Variants in TBC1D12 observed in about 807,000 individuals in gnomAD.
The protein encoded by TBC1D12 is TBC1 domain family member 12, also known as TBC1 domain family, member 12.
A neutral mutation model predicts 86.7 loss-of-function variants in TBC1D12; 56 were observed. The observed-to-expected ratio is 0.65, with a 90% CI of 0.52 to 0.81. The LOEUF (loss-of-function observed/expected upper bound fraction) is 0.81, where lower values mean the gene tolerates loss of function less well. TBC1D12 is among the 30% of genes least tolerant of loss of function. The pLI is 0.00. For missense variants in TBC1D12, 1,023 were observed against 1,038.8 expected, an observed-to-expected ratio of 0.98 and a Z score of 0.21; for synonymous variants, 421 against 411.7, an observed-to-expected ratio of 1.02 and a Z score of -0.27.
At position 94,500,319 on chromosome 10, in the gene TBC1D12, T is replaced by C; in HGVS notation, c.1511T>C (p.Ile504Thr). The change falls in exon 6 of 13, where the codon ATC becomes ACC. Residue 504 changes from isoleucine (I) to threonine (T), a missense_variant. By Grantham distance (89) the Ile-to-Thr change is moderately conservative. This residue lies in a region of TBC1D12 where 395 missense variants were observed against 507.7 expected (regional missense o/e 0.78). Transcript: ENST00000225235. ...WSLAVGNELN[I>T]TPELYEIFLS... ...CTAGCTGTAGGAAATGAACTAAATA[T>C]CACTCCTGGTTTGTATTCTACGTTC... 1 of 1,613,412 alleles carries C rather than the reference T, an allele frequency of 6.2e-7. No individual in the cohort carries two copies. Among genetic ancestry groups the C allele is most frequent in the Non-Finnish European group, 8.5e-7 (1 of 1,179,656 alleles).
At chr10:94,472,519 T>C (rs2055924036) in intron 2 of TBC1D12, among the ~76,000 whole-genome samples, 1 of 152,218 alleles carries the variant, frequency 6.6e-6, no homozygotes, top group African/African-American at 2.4e-5. Context: ...ATGGAAAATG[T>C]TTTATTGGAT....
chr10:94,489,705 T>C (rs1372772117), intron 3 of TBC1D12, among the ~76,000 whole-genome samples: 1 of 152,172 alleles, frequency 6.6e-6, no homozygotes, highest in African/African-American at 2.4e-5. Flanking sequence ...TTAGATGTCA[T>C]TGTAGAGTTA....
rs2134037114 is a variant in TBC1D12, at chr10:94,402,915, C to T, written c.302C>T (p.Ser101Leu). The T allele has an allele frequency of 6.6e-7, 1 of 1,513,126 alleles. No homozygotes were observed. The highest frequency in any genetic ancestry group is 1.8e-4 in the Middle Eastern group (1 of 5,498). The allele number at this position is 1,513,126 out of a possible 1,614,324, so 93.7% of individuals were successfully genotyped here. A position where few individuals can be genotyped will look rare whatever the true frequency, so the allele number is the denominator to read the frequency against. ...PAGQAGAPPP[S>L]AAPRSDACLL... Reference sequence around the variant, plus strand: ...GGCCAGGCCGGCGCCCCGCCGCCCTCGGCAGCCCCACGATCGGACGCCTGC... The same window carrying T: ...GGCCAGGCCGGCGCCCCGCCGCCCTTGGCAGCCCCACGATCGGACGCCTGC... The change falls in exon 1 of 13, where the codon TCG becomes TTG. Residue 101 changes from serine (S) to leucine (L), a missense_variant. This residue lies in a region of TBC1D12 where 628 missense variants were observed against 531.1 expected (regional missense o/e 1.18). Transcript: ENST00000225235.
At chr10:94,459,480 C>T (rs746700353) in intron 2 of TBC1D12, among the ~76,000 whole-genome samples, 11 of 152,358 alleles carry the variant, frequency 7.2e-5, no homozygotes, top group Admixed American at 2.0e-4. Flanking sequence ...CCGCCAGTAC[C>T]GCGCTGTGCG....
chr10:94,433,574 G>A (rs1204535051), intron 1 of TBC1D12, among the ~76,000 whole-genome samples: 2 of 152,136 alleles, frequency 1.3e-5, no homozygotes, highest in African/African-American at 4.8e-5. Context: ...GTTTGGTAAG[G>A]ATTACAATAT....
At chr10:94,404,614 C>G (rs2054825391) in intron 1 of TBC1D12, among the ~76,000 whole-genome samples, 1 of 148,900 alleles carries the variant, frequency 6.7e-6, no homozygotes, top group Non-Finnish European at 1.5e-5. Flanking sequence ...CCATTGCACT[C>G]CAGCCTGGGG....
chr10:94,403,483 C>G lies in TBC1D12; in HGVS notation c.870C>G (p.Pro290=). The G allele has an allele frequency of 6.5e-7, 1 of 1,541,650 alleles. No homozygotes were observed. The highest frequency in any genetic ancestry group is 8.7e-7 in the Non-Finnish European group (1 of 1,144,758). Residue 290 remains proline (P), a synonymous_variant, in exon 1 of 13, where the codon CCC becomes CCG. Transcript: ENST00000225235. ...SRGQSARDHL[P]PAGPPVPLPA... is the part of the protein sequence containing the mutation. Reference sequence around the variant, plus strand: ...GTCAGAGCGCCCGCGATCACCTGCCCCCGGCGGGGCCGCCGGTGCCCTTGC... The same window carrying G: ...GTCAGAGCGCCCGCGATCACCTGCCGCCGGCGGGGCCGCCGGTGCCCTTGC...
At position 94,412,864 on chromosome 10, in the gene TBC1D12, A is replaced by G. The variant is rs556624654; in HGVS notation, c.971+9280A>G. 2.0e-5 allele frequency among the ~76,000 whole-genome samples: 3 copies of G among 152,288 alleles called. No homozygotes were observed. In the South Asian group the frequency reaches 6.2e-4, roughly 32 times the overall value. ...CTGATAGTTGCTTGGACCCTACTACAGTGATTCTTAAATTTAGTGTTTAAA... is the reference window on the plus strand; with the variant it reads ...CTGATAGTTGCTTGGACCCTACTACGGTGATTCTTAAATTTAGTGTTTAAA... On this transcript the variant is annotated intron_variant, in intron 1 of 12. Transcript: ENST00000225235.
intron 2 of TBC1D12, among the ~76,000 whole-genome samples, chr10:94,442,830 A>G (rs2055400898): frequency 6.6e-6 from 1 of 152,358 alleles, no homozygotes; most frequent in African/African-American, 2.4e-5. Flanking sequence ...ATTGGAAAAG[A>G]TATCTTCCTT....
chr10:94,512,027 T>C (rs1422218213), intron 9 of TBC1D12, among the ~76,000 whole-genome samples: 1 of 152,140 alleles, frequency 6.6e-6, no homozygotes, highest in Non-Finnish European at 1.5e-5. Flanking sequence ...CCCTAAAGGA[T>C]AGGGGAGGGG....
intron 12 of TBC1D12, among the ~76,000 whole-genome samples, chr10:94,531,737 A>T: frequency 7.1e-6 from 1 of 140,708 alleles, no homozygotes. Flanking sequence ...ATTTTATGTT[A>T]TGTTATTTTA....
intron 1 of TBC1D12, among the ~76,000 whole-genome samples, chr10:94,413,995 C>G (rs971142262): frequency 2.0e-5 from 3 of 152,024 alleles, no homozygotes; most frequent in Non-Finnish European, 4.4e-5. Context: ...ATCTTTTAGT[C>G]AAGTAGGGCA....
intron 3 of TBC1D12, among the ~76,000 whole-genome samples, chr10:94,478,478 G>T (rs2056027720): frequency 6.6e-6 from 1 of 152,124 alleles, no homozygotes; most frequent in Non-Finnish European, 1.5e-5. Flanking sequence ...GGAGGCAGAG[G>T]CAGGGGCAGA....
In TBC1D12 at chr10:94,531,321, AT is replaced by A; in HGVS notation, c.2121del (p.Tyr707Ter). ...FRTGLGILRL[Y>X]EDILLQMDFI... is the part of the protein sequence containing the mutation. ...ACTGGATTAGGAATCCTCCGATTAT[AT>A]GAAGATATTCTCCTGCAGATGGACT... is the stretch of plus-strand genomic sequence containing the variant. On this transcript the variant is annotated frameshift_variant, in exon 12 of 13. Transcript: ENST00000225235. LOFTEE classifies it high-confidence loss of function. 1 of 1,614,194 alleles carries A rather than the reference AT, an allele frequency of 6.2e-7. No homozygotes were observed. Among genetic ancestry groups the A allele is most frequent in the Non-Finnish European group, 8.5e-7 (1 of 1,180,034 alleles).
intron 2 of TBC1D12, among the ~76,000 whole-genome samples, chr10:94,466,668 AACAAT>A (rs2055829078): frequency 1.3e-5 from 2 of 152,306 alleles, no homozygotes; most frequent in Admixed American, 1.3e-4. Flanking sequence ...ATACTGAAAA[AACAAT>A]ACAGAGAATT....
chr10:94,514,968 C>T (rs1403318579), intron 9 of TBC1D12, among the ~76,000 whole-genome samples: 42 of 134,670 alleles, frequency 3.1e-4, no homozygotes, highest in Non-Finnish European at 4.4e-4. Context: ...AGTGCAGTGG[C>T]GGGATCTCGG....
chr10:94,505,405 C>A (rs774997904), intron 6 of TBC1D12, among the ~76,000 whole-genome samples: 36 of 152,036 alleles, frequency 2.4e-4, no homozygotes, highest in Non-Finnish European at 4.6e-4. Context: ...ATGGTGAAAC[C>A]ATGACTCTAC....
At chr10:94,429,949 C>T (rs116705294) in intron 1 of TBC1D12, among the ~76,000 whole-genome samples, 4,850 of 152,068 alleles carry the variant, frequency 0.032, 235 homozygotes, top group African/African-American at 0.1. Flanking sequence ...TTGCCCAGGC[C>T]GGTCTCGAAC....
intron 1 of TBC1D12, among the ~76,000 whole-genome samples, chr10:94,413,705 G>A (rs1304667222): frequency 6.6e-6 from 1 of 151,156 alleles, no homozygotes; most frequent in African/African-American, 2.4e-5. Context: ...ACTTGATAAG[G>A]TGTTTAACTC....
Sources: gnomAD v4.1 joint callset for allele counts (sites outside exome capture counted in the v4.1 genomes callset) on GRCh38, gnomAD v4.1.1 for gene constraint, gnomAD v4.1.1 regional missense constraint, MANE v1.5 for transcripts, NCBI Gene and HGNC (gene_info 2026-07-23, HGNC 2026-07-21) for gene names.